PTP4A1: variants seen among roughly 807,000 people sequenced by gnomAD.
PTP4A1 encodes protein tyrosine phosphatase 4A1.
In PTP4A1, 9 loss-of-function variants were observed where a neutral mutation model predicts 20.5. That is an observed-to-expected ratio of 0.44 (90% CI 0.26 to 0.77). The LOEUF (loss-of-function observed/expected upper bound fraction) is 0.77, where lower values mean the gene tolerates loss of function less well. Ranked by LOEUF, PTP4A1 falls within the 30% of genes least tolerant of loss-of-function variation. The probability of loss-of-function intolerance (pLI) is 0.19; values close to 1 mark genes in which losing one functional copy is unlikely to be tolerated. For missense variants in PTP4A1, 137 were observed against 218.8 expected, an observed-to-expected ratio of 0.63 and a Z score of 2.36; for synonymous variants, 78 against 67.4, an observed-to-expected ratio of 1.16 and a Z score of -0.77.
intron 2 of PTP4A1, among the ~76,000 whole-genome samples, chr6:63,531,512 C>CTTTT (rs753354152): frequency 3.4e-4 from 44 of 128,546 alleles, no homozygotes; most frequent in African/African-American, 1.0e-3. Flanking sequence ...ATCTATTATG[C>CTTTT]TTTTTTTTTT....
intron 2 of PTP4A1, chr6:63,549,164 C>G: frequency 1.5e-6 from 1 of 685,384 alleles, no homozygotes; most frequent in Non-Finnish European, 2.6e-6. Flanking sequence ...TGGCCAGGGC[C>G]AACAGCCTCT....
At chr6:63,547,879 A>C (rs994563917) in intron 2 of PTP4A1, among the ~76,000 whole-genome samples, 1 of 152,056 alleles carries the variant, frequency 6.6e-6, no homozygotes, top group Non-Finnish European at 1.5e-5. Context: ...TGCACTTTCC[A>C]ACACTTATTT....
At position 63,581,896 on chromosome 6, in the gene PTP4A1, C is replaced by T. The variant is rs1406257451; in HGVS notation, c.*1722C>T. The T allele has an allele frequency of 6.6e-6, 1 of 152,020 alleles. No individual in the cohort carries two copies. Among genetic ancestry groups the T allele is most frequent in the African/African-American group, 2.4e-5 (1 of 41,408 alleles). The allele number at this position is 152,020 out of a possible 1,614,324, so 9.4% of individuals were successfully genotyped here. A position where few individuals can be genotyped will look rare whatever the true frequency, so the allele number is the denominator to read the frequency against. ...TAATGTTAAGTTTCCTTTAATGATC[C>T]ACAATAATCCCTTTGATCACGTTAA... On this transcript the variant is annotated 3_prime_UTR_variant, in exon 6 of 6. Coordinates refer to ENST00000626021, the MANE Select transcript of PTP4A1 (RefSeq NM_003463.5).
chr6:63,524,953 A>G (rs535850102), intron 1 of PTP4A1, among the ~76,000 whole-genome samples: 2 of 152,232 alleles, frequency 1.3e-5, no homozygotes, highest in Non-Finnish European at 2.9e-5. Flanking sequence ...AAAACTTAAG[A>G]AAGTAAAATT....
chr6:63,568,629 C>G (rs930667177), upstream of PTP4A1, among the ~76,000 whole-genome samples: 3 of 149,288 alleles, frequency 2.0e-5, no homozygotes, highest in African/African-American at 7.4e-5. Flanking sequence ...ACTTGCTCGA[C>G]AAAAAGCTGT....
At chr6:63,565,427 T>C (rs1459470842) in intron 3 of PTP4A1, among the ~76,000 whole-genome samples, 1 of 152,112 alleles carries the variant, frequency 6.6e-6, no homozygotes, top group African/African-American at 2.4e-5. Context: ...TTCAAGAGAA[T>C]TGTTTCTTAA....
At chr6:63,573,992 GT>G (rs1561913907) in intron 1 of PTP4A1, among the ~76,000 whole-genome samples, 4 of 152,102 alleles carry the variant, frequency 2.6e-5, no homozygotes, top group Admixed American at 2.0e-4. Flanking sequence ...AATTCTGAGG[GT>G]TTTTTATCTT....
At chr6:63,541,737 T>A (rs1775984045) in intron 2 of PTP4A1, among the ~76,000 whole-genome samples, 2 of 152,174 alleles carry the variant, frequency 1.3e-5, no homozygotes, top group Non-Finnish European at 2.9e-5. Context: ...TTAAAAAAGA[T>A]GCATTTATTA....
chr6:63,578,672 T>TA, intron 3 of PTP4A1, 143 bp downstream of exon 3: 1 of 1,304,498 alleles, frequency 7.7e-7, no homozygotes, highest in Non-Finnish European at 1.0e-6. Flanking sequence ...TGCAGAATCT[T>TA]AATTTCTAAA....
intron 2 of PTP4A1, 81 bp from the exon 3 acceptor site, chr6:63,578,356 C>G: frequency 6.9e-7 from 1 of 1,440,260 alleles, no homozygotes; most frequent in Non-Finnish European, 9.2e-7. Flanking sequence ...ACTTACTGAT[C>G]AGAGATGATC....
chr6:63,576,518 A>G lies in PTP4A1; in HGVS notation c.-363A>G, dbSNP rs1197381976. 4 of 414,798 alleles carry G rather than the reference A, an allele frequency of 9.6e-6. No individual in the cohort carries two copies. The highest frequency in any genetic ancestry group is 1.7e-5 in the Non-Finnish European group (4 of 235,906). 25.7% of individuals were successfully genotyped at this position (414,798 alleles called of 1,614,324 possible). On this transcript the variant is annotated 5_prime_UTR_variant, in exon 2 of 6. An upstream start codon of the reference 5' UTR is lost. Transcript: ENST00000626021. The stretch of plus-strand genomic sequence containing the variant: ...TACTGCCAGGCACAGCACGACCTCT[A>G]TGCAGACAAGTGAACTGTAGAAACT...
chr6:63,549,598 A>G (rs1474757679), intron 2 of PTP4A1: 3 of 577,136 alleles, frequency 5.2e-6, no homozygotes, highest in South Asian at 4.6e-5. Context: ...TTTATGTGAT[A>G]TATATACACA....
chr6:63,571,673 A>G (rs1185253431), upstream of PTP4A1: 1 of 152,264 alleles, frequency 6.6e-6, no homozygotes, highest in Non-Finnish European at 1.5e-5. Context: ...TCAAGTGAGC[A>G]GCAGTACAAA....
intron 2 of PTP4A1, among the ~76,000 whole-genome samples, chr6:63,535,398 G>T (rs1238904625): frequency 6.6e-6 from 1 of 152,108 alleles, no homozygotes; most frequent in Non-Finnish European, 1.5e-5. Context: ...GAACAGGGAG[G>T]CAGAGGTTGC....
Position 63,573,023 on chromosome 6 carries a change from G to A in PTP4A1, c.-446+304G>A, listed in dbSNP as rs568532083. On this transcript the variant is annotated intron_variant, in intron 1 of 5. Transcript: ENST00000626021. ...GCGGCGCGGTCCGGCTTCTGCGGCG[G>A]CCGGGGGCAGTTTCGGCTTCCGCAG... 5.3e-5 allele frequency among the ~76,000 whole-genome samples: 8 copies of A among 152,096 alleles called. 1 individual carries two copies. In the South Asian group the frequency reaches 1.7e-3, roughly 32 times the overall value.
intron 3 of PTP4A1, among the ~76,000 whole-genome samples, chr6:63,552,393 C>A (rs553747900): frequency 3.6e-4 from 55 of 151,954 alleles, no homozygotes; most frequent in African/African-American, 1.3e-3. Context: ...TTGTTTTTTT[C>A]TTGTAAATTT....
intron 3 of PTP4A1, among the ~76,000 whole-genome samples, chr6:63,555,951 A>G (rs1049692042): frequency 4.0e-5 from 6 of 151,614 alleles, no homozygotes; most frequent in African/African-American, 1.2e-4. Context: ...TCAGCCTCCC[A>G]AAGTCCTGGG....
intron 2 of PTP4A1, among the ~76,000 whole-genome samples, chr6:63,547,329 A>G (rs998815465): frequency 1.1e-4 from 17 of 151,228 alleles, no homozygotes; most frequent in African/African-American, 4.1e-4. Flanking sequence ...AGCTGGGACT[A>G]CAGGCATGTG....
chr6:63,561,701 C>T (rs1400841437), intron 3 of PTP4A1, among the ~76,000 whole-genome samples: 1 of 152,190 alleles, frequency 6.6e-6, no homozygotes, highest in Admixed American at 6.5e-5. Flanking sequence ...TAGCCACAAA[C>T]ATGATACATA....
Sources: gnomAD v4.1 joint callset for allele counts (sites outside exome capture counted in the v4.1 genomes callset) on GRCh38, gnomAD v4.1.1 for gene constraint, MANE v1.5 for transcripts, NCBI Gene and HGNC (gene_info 2026-07-23, HGNC 2026-07-21) for gene names.